RNASEH2A: variants seen among roughly 807,000 people sequenced by gnomAD.
RNASEH2A encodes the protein ribonuclease H2 subunit A.
A neutral mutation model predicts 32.7 loss-of-function variants in RNASEH2A; 30 were observed. That is an observed-to-expected ratio of 0.92 (90% CI 0.69 to 1.25). The LOEUF (loss-of-function observed/expected upper bound fraction) is 1.25. Among genes scored for constraint, RNASEH2A ranks in the 50% most tolerant of loss-of-function variants. The pLI, the probability that RNASEH2A is intolerant of heterozygous loss-of-function variation, is 0.00. For missense variants in RNASEH2A, 409 were observed against 398.1 expected (o/e 1.03, Z -0.23); for synonymous variants, 147 against 165.4 (o/e 0.89, Z 0.86).
intron 2 of RNASEH2A, 25 bp from the exon 3 acceptor site, chr19:12,807,181 C>T (rs1444167729): frequency 1.9e-6 from 3 of 1,614,052 alleles, no homozygotes; most frequent in South Asian, 2.2e-5. Context: ...CAGCTGTTCC[C>T]CTTCTCTTCC....
At position 12,810,352 on chromosome 19, in the gene RNASEH2A, C is replaced by G; in HGVS notation, c.585C>G (p.Phe195Leu). ...ARDQAVKKWQ[F>L]VEKLQDLDTD... ...ACCAGGCCGTGAAGAAATGGCAGTT[C>G]GTGGAGAAACTGCAGGACTTGGATA... The change falls in exon 6 of 8, where the codon TTC (phenylalanine) becomes TTG (leucine). Residue 195 changes from phenylalanine (F) to leucine (L), a missense_variant. Phe to Leu is a conservative substitution (Grantham distance 22, BLOSUM62 0). Transcript: ENST00000221486. The G allele has an allele frequency of 1.2e-6, 2 of 1,614,116 alleles. No homozygotes were observed. The highest frequency in any genetic ancestry group is 1.7e-6 in the Non-Finnish European group (2 of 1,180,012).
chr19:12,810,326 G>T lies in RNASEH2A; in HGVS notation c.559G>T (p.Asp187Tyr). The T allele has an allele frequency of 6.2e-7, 1 of 1,614,174 alleles. No homozygotes were observed. The highest frequency in any genetic ancestry group is 8.5e-7 in the Non-Finnish European group (1 of 1,180,020). Reference sequence around the variant, plus strand: ...CCTGTTTTGCCCACAGGTGGCCCGGGACCAGGCCGTGAAGAAATGGCAGTT... The same window carrying T: ...CCTGTTTTGCCCACAGGTGGCCCGGTACCAGGCCGTGAAGAAATGGCAGTT... The part of the protein sequence containing the change: ...AASICAKVAR[D>Y]QAVKKWQFVE... Residue 187 changes from aspartate to tyrosine, a missense_variant, in exon 6 of 8, where the codon GAC (aspartate) becomes TAC (tyrosine). By Grantham distance (160) the Asp-to-Tyr change is radical. Transcript: ENST00000221486.
rs143390092 is a variant in RNASEH2A, at chr19:12,808,191, G to T, written c.411+685G>T. Reference sequence around the variant, plus strand: ...TGCTCGAACCCGGGAGGCGGAGGTTGCAGTGAGGTGAGATCGCGCCATTGC... The same window carrying T: ...TGCTCGAACCCGGGAGGCGGAGGTTTCAGTGAGGTGAGATCGCGCCATTGC... On this transcript the variant is annotated intron_variant, in intron 4 of 7. Coordinates refer to ENST00000221486, the MANE Select transcript of RNASEH2A (RefSeq NM_006397.3). Among the ~76,000 whole-genome samples, 32 of 152,250 alleles carry T rather than the reference G, an allele frequency of 2.1e-4. No individual in the cohort carries two copies. The East Asian group carries it at 3.9e-3, about 18-fold the overall frequency.
chr19:12,810,540 TA>T (rs1403356666), intron 6 of RNASEH2A, 136 bp downstream of exon 6: 1 of 911,828 alleles, frequency 1.1e-6, no homozygotes, highest in Admixed American at 2.3e-5. Context: ...TATTTTTGTT[TA>T]TTTTTTGAGA....
chr19:12,806,657 G>A lies in RNASEH2A; in HGVS notation c.-17G>A. 6.4e-7 allele frequency: 1 copy of A among 1,573,440 alleles called. No individual in the cohort carries two copies. Among genetic ancestry groups the A allele is most frequent in the Non-Finnish European group, 8.6e-7 (1 of 1,159,536 alleles). ...GCAGTATTAGTTCTTGCAGCTGGTG[G>A]TGGCGGCTGAGGCGGCATGGATCTC... is the stretch of plus-strand genomic sequence containing the variant. On this transcript the variant is annotated 5_prime_UTR_variant, in exon 1 of 8. The change creates a new upstream start codon in the 5' untranslated region. Transcript: ENST00000221486.
intron 4 of RNASEH2A, chr19:12,808,037 G>A (rs939314006): frequency 2.6e-5 from 5 of 190,042 alleles, no homozygotes; most frequent in Admixed American, 2.1e-4. Context: ...GATCACCTGA[G>A]GTCAGGAGTT....
intron 6 of RNASEH2A, among the ~76,000 whole-genome samples, 169 bp from the exon 7 acceptor site, chr19:12,812,914 A>C (rs948264877): frequency 9.2e-5 from 14 of 152,036 alleles, no homozygotes; most frequent in African/African-American, 3.4e-4. Flanking sequence ...CTGAGGCAGG[A>C]GAATCGCTTG....
rs1045333938 is a variant in RNASEH2A, at chr19:12,807,426, T to C, written c.331T>C (p.Tyr111His). 6.2e-7 allele frequency: 1 copy of C among 1,614,194 alleles called. No individual in the cohort carries two copies. Among genetic ancestry groups the C allele is most frequent in the Non-Finnish European group, 8.5e-7 (1 of 1,180,038 alleles). ...ISTSMLGRVK[Y>H]NLNSLSHDTA... ...CTCTGTTCCCCACCACAGGGTCAAA[T>C]ACAACCTGAACTCCCTGTCACATGA... Residue 111 changes from tyrosine to histidine, a missense_variant, in exon 4 of 8, where the codon TAC becomes CAC. Transcript: ENST00000221486.
chr19:12,808,244 A>C (rs1277455922), intron 4 of RNASEH2A, among the ~76,000 whole-genome samples: 1 of 152,062 alleles, frequency 6.6e-6, no homozygotes, highest in Non-Finnish European at 1.5e-5. Flanking sequence ...AGAGCGAAAA[A>C]TAAAAATAAA....
rs773495954 is a variant in RNASEH2A at position 12,807,409 on chromosome 19, C to T, written c.324-10C>T. ...GAATGAGATTAACTGGGCTCTGTTC[C>T]CCACCACAGGGTCAAATACAACCTG... is the stretch of plus-strand genomic sequence containing the variant. On this transcript the variant is annotated splice_polypyrimidine_tract_variant and intron_variant, in intron 3 of 7. Coordinates refer to ENST00000221486, the MANE Select transcript of RNASEH2A (RefSeq NM_006397.3). The T allele has an allele frequency of 3.1e-6, 5 of 1,614,122 alleles. No homozygotes were observed. In the East Asian group the frequency reaches 6.7e-5, roughly 22 times the overall value.
intron 6 of RNASEH2A, among the ~76,000 whole-genome samples, chr19:12,811,484 C>T (rs192954409): frequency 3.9e-5 from 6 of 152,044 alleles, no homozygotes; most frequent in Non-Finnish European, 8.8e-5. Flanking sequence ...TAGTGGTGCC[C>T]ACCTGTAGTC....
At position 12,806,681 on chromosome 19, in the gene RNASEH2A, T is replaced by G; in HGVS notation, c.8T>G (p.Leu3Arg). 6.3e-7 allele frequency: 1 copy of G among 1,574,936 alleles called. No homozygotes were observed. The highest frequency in any genetic ancestry group is 8.6e-7 in the Non-Finnish European group (1 of 1,160,350). ...GGTGGCGGCTGAGGCGGCATGGATC[T>G]CAGCGAGCTGGAGAGAGACAATACA... MD[L>R]SELERDNTGR... The change falls in exon 1 of 8, where the codon CTC (leucine) becomes CGC (arginine). Residue 3 changes from leucine (L) to arginine (R), a missense_variant. Transcript: ENST00000221486.
Position 12,806,623 on chromosome 19 carries a change from C to T in RNASEH2A, c.-51C>T, listed in dbSNP as rs553214348. ...GGCCCGCGGAAAACGCGCGCCGAGACCCGCTCCTGCAGTATTAGTTCTTGC... is the reference window on the plus strand; with the variant it reads ...GGCCCGCGGAAAACGCGCGCCGAGATCCGCTCCTGCAGTATTAGTTCTTGC... On this transcript the variant is annotated 5_prime_UTR_variant, in exon 1 of 8. Coordinates refer to ENST00000221486, the MANE Select transcript of RNASEH2A (RefSeq NM_006397.3). The T allele has an allele frequency of 4.6e-5, 71 of 1,556,390 alleles. No individual in the cohort carries two copies. The highest frequency in any genetic ancestry group is 6.2e-5 in the Non-Finnish European group (71 of 1,149,828).
At chr19:12,809,630 G>A (rs1482347583) in intron 4 of RNASEH2A, among the ~76,000 whole-genome samples, 1 of 152,072 alleles carries the variant, frequency 6.6e-6, no homozygotes, top group East Asian at 1.9e-4. Flanking sequence ...TTGTGCTAAC[G>A]CACTCTACCA....
At chr19:12,807,543 C>G (rs760428650) in intron 4 of RNASEH2A, 37 bp downstream of exon 4, 5 of 1,551,048 alleles carry the variant, frequency 3.2e-6, no homozygotes, top group Non-Finnish European at 4.5e-6. Flanking sequence ...TTGGTCATCT[C>G]AGGATAAAAT....
intron 6 of RNASEH2A, among the ~76,000 whole-genome samples, chr19:12,812,866 A>G (rs1385013921): frequency 6.6e-6 from 1 of 151,938 alleles, no homozygotes; most frequent in African/African-American, 2.4e-5. Context: ...TTAGCTGGGC[A>G]TGGTGGCATG....
At chr19:12,809,997 A>C in intron 4 of RNASEH2A, 74 bp from the exon 5 acceptor site, 3 of 1,590,852 alleles carry the variant, frequency 1.9e-6, no homozygotes, top group Non-Finnish European at 2.6e-6. Flanking sequence ...AGCAGGAAGA[A>C]CGTGCCAGGG....
chr19:12,807,380 C>G (rs1969010096), intron 3 of RNASEH2A, 39 bp from the exon 4 acceptor site: 1 of 1,613,984 alleles, frequency 6.2e-7, no homozygotes, highest in Non-Finnish European at 8.5e-7. Flanking sequence ...AAGCTTTGTT[C>G]CTAGAATGAG....
At chr19:12,809,531 G>C (rs1303760774) in intron 4 of RNASEH2A, among the ~76,000 whole-genome samples, 1 of 152,132 alleles carries the variant, frequency 6.6e-6, no homozygotes. Flanking sequence ...GTAGAAACAG[G>C]GTCTCCATAT....
Sources: allele counts gnomAD v4.1 joint callset (sites outside exome capture counted in the v4.1 genomes callset), GRCh38; gene constraint gnomAD v4.1.1; transcripts MANE v1.5; gene names NCBI Gene and HGNC (gene_info 2026-07-23, HGNC 2026-07-21).